KIF6: variants seen among roughly 807,000 people sequenced by gnomAD.
KIF6 encodes kinesin family member 6.
In KIF6, 106 loss-of-function variants were observed where a neutral mutation model predicts 112.7. The observed-to-expected ratio is 0.94, with a 90% CI of 0.80 to 1.11. The LOEUF (loss-of-function observed/expected upper bound fraction) is 1.11. Among genes scored for constraint, KIF6 ranks in the 50% least tolerant of loss-of-function variants. KIF6 has a pLI of 0.00. For synonymous variants in KIF6, 339 were observed against 339.9 expected (o/e 1.00, Z 0.03); for missense variants, 929 against 964.0 (o/e 0.96, Z 0.48).
rs139423258 is a variant in KIF6, at chr6:39,648,585, C to G, written c.252-8828G>C. 5.9e-5 allele frequency among the ~76,000 whole-genome samples: 9 copies of G among 152,264 alleles called. No individual in the cohort carries two copies. The East Asian group carries it at 1.7e-3, about 29-fold the overall frequency. Reference sequence around the variant, plus strand: ...GCTTAAACTTAACTAAATTTGAATGCCTTTTTGCGAGACATGTTCTTCAGT... The same window carrying G: ...GCTTAAACTTAACTAAATTTGAATGGCTTTTTGCGAGACATGTTCTTCAGT... On this transcript the variant is annotated intron_variant, in intron 3 of 22. Coordinates refer to ENST00000287152, the MANE Select transcript of KIF6 (RefSeq NM_145027.6).
intron 13 of KIF6, among the ~76,000 whole-genome samples, chr6:39,531,938 C>T (rs143168642): frequency 1.2e-3 from 182 of 152,256 alleles, no homozygotes; most frequent in African/African-American, 4.3e-3. Context: ...CAGATCCTAA[C>T]CACACCTGGC....
chr6:39,678,015 C>A (rs1458856921), intron 3 of KIF6, among the ~76,000 whole-genome samples: 2 of 150,260 alleles, frequency 1.3e-5, no homozygotes, highest in Admixed American at 6.6e-5. Context: ...GTCTTTATAG[C>A]AGCATGATTT....
At chr6:39,353,657 T>C (rs1016858864) in intron 19 of KIF6, 1 of 157,498 alleles carries the variant, frequency 6.3e-6, no homozygotes, top group Non-Finnish European at 1.4e-5. Flanking sequence ...AAACACATCA[T>C]GTCAGTTATT....
chr6:39,438,577 GA>G (rs924465655), intron 13 of KIF6, among the ~76,000 whole-genome samples: 5 of 151,984 alleles, frequency 3.3e-5, no homozygotes, highest in South Asian at 4.1e-4. Flanking sequence ...AAGATATAAA[GA>G]AAAAAATATT....
chr6:39,384,906 T>A (rs550721167), intron 16 of KIF6, among the ~76,000 whole-genome samples: 1 of 152,190 alleles, frequency 6.6e-6, no homozygotes, highest in Admixed American at 6.5e-5. Flanking sequence ...GGTGACTTCA[T>A]TGGGTCACAT....
intron 5 of KIF6, among the ~76,000 whole-genome samples, chr6:39,622,154 C>T (rs1451176729): frequency 8.8e-5 from 13 of 146,944 alleles, no homozygotes; most frequent in South Asian, 8.5e-4. Flanking sequence ...GCAACAAAAG[C>T]GAAAATCCAG....
intron 13 of KIF6, among the ~76,000 whole-genome samples, chr6:39,527,784 T>A (rs1777819879): frequency 6.6e-6 from 1 of 152,212 alleles, no homozygotes; most frequent in Non-Finnish European, 1.5e-5. Flanking sequence ...GGTTTCCTTG[T>A]GTCCCTGCTC....
At chr6:39,724,735 A>G (rs180688825) in intron 1 of KIF6, among the ~76,000 whole-genome samples, 2 of 152,314 alleles carry the variant, frequency 1.3e-5, no homozygotes, top group East Asian at 3.9e-4. Context: ...CTGGGTGCAA[A>G]GTACTACATA....
intron 13 of KIF6, among the ~76,000 whole-genome samples, chr6:39,483,859 C>T (rs1774955590): frequency 6.6e-6 from 1 of 152,196 alleles, no homozygotes; most frequent in Non-Finnish European, 1.5e-5. Flanking sequence ...AGTGACATTT[C>T]TCAGTAACTA....
In KIF6 at chr6:39,343,760, A is replaced by C; in HGVS notation, c.2377T>G (p.Ser793Ala). 1.2e-6 allele frequency: 2 copies of C among 1,613,208 alleles called. No individual in the cohort carries two copies. The highest frequency in any genetic ancestry group is 1.7e-6 in the Non-Finnish European group (2 of 1,179,660). Residue 793 changes from serine to alanine, a missense_variant, in exon 22 of 23, where the codon TCG (serine) becomes GCG (alanine). Transcript: ENST00000287152. This position sits in a 1 kb window ranked among gnomAD's most constrained non-coding sequence, Gnocchi z 4.1. ...IPLTGDSQTD[S>A]DIIAFIKARQ... ...GCCTTGATGAAGGCGATGATGTCCGAGTCCGTCTGGCTGTCTCCGGTGAGA... is the reference window on the plus strand; with the variant it reads ...GCCTTGATGAAGGCGATGATGTCCGCGTCCGTCTGGCTGTCTCCGGTGAGA...
chr6:39,387,307 C>T (rs928058015), intron 15 of KIF6, among the ~76,000 whole-genome samples: 2 of 152,174 alleles, frequency 1.3e-5, no homozygotes, highest in African/African-American at 4.8e-5. Context: ...CTTCACATAT[C>T]TGAGGATGCT....
rs762443303 is a variant in KIF6 at position 39,639,730 on chromosome 6, G to C, written c.279C>G (p.Ile93Met). The change falls in exon 4 of 23, where the codon ATC (isoleucine) becomes ATG (methionine). Residue 93 changes from isoleucine to methionine, a missense_variant. Ile to Met is a conservative substitution (Grantham distance 10). Around this residue, in one of 2 missense-constraint regions of KIF6, gnomAD observed 688 missense variants for 662.7 expected, o/e 1.04. Coordinates refer to ENST00000287152, the MANE Select transcript of KIF6 (RefSeq NM_145027.6). ...CGCTGCCTGTTTGCCCATATGCAAAGATGGTACCATTGTAACCTGCCAGGA... is the reference window on the plus strand; with the variant it reads ...CGCTGCCTGTTTGCCCATATGCAAACATGGTACCATTGTAACCTGCCAGGA... ...GSVLAGYNGT[I>M]FAYGQTGSGK... 3 of 1,612,150 alleles carry C rather than the reference G, an allele frequency of 1.9e-6. No individual in the cohort carries two copies. The Admixed American group carries it at 5.0e-5, about 27-fold the overall frequency.
At chr6:39,692,473 G>A (rs969279676) in intron 3 of KIF6, among the ~76,000 whole-genome samples, 1 of 152,186 alleles carries the variant, frequency 6.6e-6, no homozygotes, top group African/African-American at 2.4e-5. Context: ...GTGCAGTCTG[G>A]TTTTGTTTGA....
intron 13 of KIF6, among the ~76,000 whole-genome samples, chr6:39,483,101 C>T (rs566572344): frequency 6.6e-6 from 1 of 152,186 alleles, no homozygotes; most frequent in Admixed American, 6.5e-5. Context: ...TCATTCCTTC[C>T]CTTCTCTCTG....
At chr6:39,557,397 T>C (rs543450565) in intron 10 of KIF6, among the ~76,000 whole-genome samples, 67 of 152,086 alleles carry the variant, frequency 4.4e-4, no homozygotes, top group Middle Eastern at 3.2e-3. Flanking sequence ...ATAAAGAGTA[T>C]TGAAAACTTA....
chr6:39,644,484 G>A (rs1785064296), intron 3 of KIF6, among the ~76,000 whole-genome samples: 1 of 152,090 alleles, frequency 6.6e-6, no homozygotes, highest in Non-Finnish European at 1.5e-5. Context: ...TATTTGGCAA[G>A]GAGAAGGCAG....
chr6:39,359,270 G>A (rs1764948318), intron 18 of KIF6, among the ~76,000 whole-genome samples: 1 of 152,098 alleles, frequency 6.6e-6, no homozygotes, highest in Admixed American at 6.5e-5. Context: ...CCACAACTGA[G>A]GTGTTACATG....
intron 3 of KIF6, among the ~76,000 whole-genome samples, chr6:39,646,610 T>G (rs1785184893): frequency 6.6e-6 from 1 of 152,180 alleles, no homozygotes; most frequent in Non-Finnish European, 1.5e-5. Context: ...GGCAAATACA[T>G]TTTATATGTA....
intron 13 of KIF6, among the ~76,000 whole-genome samples, chr6:39,436,833 T>A (rs141143716): frequency 3.5e-4 from 53 of 152,330 alleles, no homozygotes; most frequent in African/African-American, 1.2e-3. Flanking sequence ...TGCTTAGGAT[T>A]GCTTTGGCTA....
Sources: allele counts gnomAD v4.1 joint callset (sites outside exome capture counted in the v4.1 genomes callset), GRCh38; gene constraint gnomAD v4.1.1; regional missense constraint gnomAD v4.1.1; non-coding constraint Gnocchi (gnomAD v3.1); transcripts MANE v1.5; gene names NCBI Gene and HGNC (gene_info 2026-07-23, HGNC 2026-07-21).